Variants in C2 observed in about 807,000 individuals in gnomAD.
C2 encodes C3/C5 convertase.
Under a neutral mutation model 85.2 loss-of-function variants are expected in C2, and 64 were observed. The observed-to-expected ratio is 0.75, with a 90% confidence interval of 0.61 to 0.92. C2 has a LOEUF of 0.92. Among genes scored for constraint, C2 ranks in the 40% least tolerant of loss-of-function variants. The pLI is 0.00. For synonymous variants in C2, 311 were observed against 370.8 expected (o/e 0.84, Z 1.85); for missense variants, 820 against 971.6 (o/e 0.84, Z 2.07).
chr6:31,933,070 C>A (rs543586691), intron 3 of C2, among the ~76,000 whole-genome samples: 2 of 146,288 alleles, frequency 1.4e-5, no homozygotes, highest in South Asian at 4.4e-4. Context: ...GCAGCAGTAC[C>A]GTCCAGCTTC....
chr6:31,927,827 G>T lies in C2; in HGVS notation c.46+29G>T, dbSNP rs776083836. On this transcript the variant is annotated intron_variant, in intron 1 of 17. Coordinates refer to ENST00000299367, the MANE Select transcript of C2 (RefSeq NM_000063.6). This position sits in a 1 kb window ranked among gnomAD's most constrained non-coding sequence, Gnocchi z 4.7. ...GGAGGCAGGGAAGGGGGAACGTCAG[G>T]GTCCTGTGTGTGAGGTTGGTGCTCC... 2.5e-6 allele frequency: 4 copies of T among 1,610,304 alleles called. No homozygotes were observed. In the South Asian group the frequency reaches 4.4e-5, roughly 18 times the overall value.
Position 31,943,937 on chromosome 6 carries a change from C to T in C2, c.1754C>T (p.Thr585Met), listed in dbSNP as rs754021968. ...CCCAGGCCCATCTGCCTTCCCTGCA[C>T]GATGGAGGCCAATCTGGCTCTGCGG... is the stretch of plus-strand genomic sequence containing the variant. ...THARPICLPC[T>M]MEANLALRRP... Residue 585 changes from threonine to methionine, a missense_variant, in exon 14 of 18, where the codon ACG (threonine) becomes ATG (methionine). Physicochemically the swap from Thr to Met is moderately conservative, Grantham distance 81. Transcript: ENST00000299367. The surrounding 1 kb of genome is among the most constrained non-coding windows in gnomAD (Gnocchi z 6.4). 14 of 1,612,754 alleles carry T rather than the reference C, an allele frequency of 8.7e-6. No homozygotes were observed. Among genetic ancestry groups the T allele is most frequent in the African/African-American group, 1.3e-5 (1 of 74,884 alleles).
At position 31,904,295 on chromosome 6, in the gene C2, AATTTT is replaced by A. The variant is rs1458332933; in HGVS notation, c.73+3168_73+3172del. The stretch of plus-strand genomic sequence containing the variant: ...AAACGGACTATGAAATTTTCAAAAG[AATTTT>A]ATTTTATTTTAATTAATTAATTAAT... On this transcript the variant is annotated intron_variant, in intron 1 of 3. Coordinates refer to the C2 transcript ENST00000452202. The surrounding 1 kb of genome is among the most constrained non-coding windows in gnomAD (Gnocchi z 4.4). Among the ~76,000 whole-genome samples the A allele has an allele frequency of 5.9e-5, 9 of 151,948 alleles. No individual in the cohort carries two copies. The South Asian group carries it at 6.2e-4, about 11-fold the overall frequency.
chr6:31,923,132 T>C (rs1378896864), upstream of C2, among the ~76,000 whole-genome samples: 1 of 152,160 alleles, frequency 6.6e-6, no homozygotes, highest in Non-Finnish European at 1.5e-5. Context: ...GTCGCCCTCA[T>C]CTGGTGGGGT....
chr6:31,900,706 ATCCTCATCCTCT>A, upstream of C2: 1 of 1,605,122 alleles, frequency 6.2e-7, no homozygotes, highest in Admixed American at 1.7e-5. This position sits in a 1 kb window ranked among gnomAD's most constrained non-coding sequence, Gnocchi z 9.7. Flanking sequence ...CCTCATCCTC[ATCCTCATCCTCT>A]TCCTCGGCTT....
At position 31,935,815 on chromosome 6, in the gene C2, G is replaced by A. The variant is rs1445503508; in HGVS notation, c.850-108G>A. 45 of 1,229,998 alleles carry A rather than the reference G, an allele frequency of 3.7e-5. No individual in the cohort carries two copies. The Admixed American group carries it at 4.6e-4, about 12-fold the overall frequency. 76.2% of individuals were successfully genotyped at this position (1,229,998 alleles called of 1,614,324 possible). On this transcript the variant is annotated intron_variant, in intron 6 of 17. Coordinates refer to ENST00000299367, the MANE Select transcript of C2 (RefSeq NM_000063.6). This position sits in a 1 kb window ranked among gnomAD's most constrained non-coding sequence, Gnocchi z 4.3. ...GTCTCCCCTGGTCCTTGCCTCTGTC[G>A]GTCTCACTCCAGTTTCTCTGCCTCC...
At chr6:31,903,623 CCTT>C (rs1378900079) in intron 1 of C2, among the ~76,000 whole-genome samples, 4 of 152,060 alleles carry the variant, frequency 2.6e-5, no homozygotes, top group African/African-American at 7.3e-5. Flanking sequence ...GAGCAAGACT[CCTT>C]CTCAAAACAA....
At chr6:31,918,938 G>C (rs1193262667), upstream of C2, among the ~76,000 whole-genome samples, 1 of 147,530 alleles carries the variant, frequency 6.8e-6, no homozygotes, top group African/African-American at 2.5e-5. Flanking sequence ...GTGGTATATA[G>C]ACATGAACCC....
rs1771308430 is a variant in C2, at chr6:31,945,324, C to T, written c.2226C>T (p.His742=). 6.2e-7 allele frequency: 1 copy of T among 1,613,032 alleles called. No homozygotes were observed. Among genetic ancestry groups the T allele is most frequent in the Non-Finnish European group, 8.5e-7 (1 of 1,180,024 alleles). ...LFRMQPWLRQ[H]LGDVLNFLPL ...GCATGCAGCCCTGGCTGAGGCAGCACCTGGGGGATGTCCTGAATTTTTTAC... is the reference window on the plus strand; with the variant it reads ...GCATGCAGCCCTGGCTGAGGCAGCATCTGGGGGATGTCCTGAATTTTTTAC... Residue 742 remains histidine, a synonymous_variant, in exon 18 of 18, where the codon CAC becomes CAT. Coordinates refer to ENST00000299367, the MANE Select transcript of C2 (RefSeq NM_000063.6). This position sits in a 1 kb window ranked among gnomAD's most constrained non-coding sequence, Gnocchi z 5.3.
upstream of C2, chr6:31,897,786 A>C: frequency 1.0e-6 from 1 of 985,094 alleles, no homozygotes; most frequent in Non-Finnish European, 1.3e-6. Context: ...CTTTTTGGCC[A>C]TTTTCCCCTG....
intron 6 of C2, chr6:31,934,578 C>T: frequency 1.4e-6 from 2 of 1,438,662 alleles, no homozygotes; most frequent in Non-Finnish European, 9.1e-7. Flanking sequence ...CAGTGGTCTC[C>T]ACAGAAAGGT....
upstream of C2, among the ~76,000 whole-genome samples, chr6:31,924,022 G>T (rs1053766710): frequency 6.7e-6 from 1 of 148,296 alleles, no homozygotes; most frequent in Non-Finnish European, 1.5e-5. Flanking sequence ...GGATTGTCTC[G>T]ATCTCCTGAC....
upstream of C2, among the ~76,000 whole-genome samples, chr6:31,923,261 T>C (rs1769080112): frequency 6.6e-6 from 1 of 152,208 alleles, no homozygotes; most frequent in Non-Finnish European, 1.5e-5. Context: ...GACAGTGGAC[T>C]ATAACTGACT....
At chr6:31,929,118 G>A (rs1769516347) in intron 3 of C2, among the ~76,000 whole-genome samples, 1 of 152,228 alleles carries the variant, frequency 6.6e-6, no homozygotes, top group African/African-American at 2.4e-5. Flanking sequence ...GGCAGCTGGT[G>A]CTAAGCTTCA....
At position 31,944,247 on chromosome 6, in the gene C2, A is replaced by G; in HGVS notation, c.1902+21A>G. The G allele has an allele frequency of 6.6e-7, 1 of 1,513,772 alleles. No homozygotes were observed. The highest frequency in any genetic ancestry group is 9.2e-7 in the Non-Finnish European group (1 of 1,089,494). The allele number at this position is 1,513,772 out of a possible 1,614,324, so 93.8% of individuals were successfully genotyped here. A position where few individuals can be genotyped will look rare whatever the true frequency, so the allele number is the denominator to read the frequency against. ...TGGAGGTGAGGGTCTCAGGTTGGGG[A>G]TGCTGGGATCCCCCTGTGACAGCTC... is the stretch of plus-strand genomic sequence containing the variant. On this transcript the variant is annotated intron_variant, in intron 15 of 17. Transcript: ENST00000299367. The surrounding 1 kb of genome is among the most constrained non-coding windows in gnomAD (Gnocchi z 5.1).
At chr6:31,927,480 C>T (rs1185840848), upstream of C2, 16 of 1,417,350 alleles carry the variant, frequency 1.1e-5, no homozygotes, top group African/African-American at 2.9e-5. This position sits in a 1 kb window ranked among gnomAD's most constrained non-coding sequence, Gnocchi z 4.7. Context: ...GTGGGTGGAG[C>T]GTGGGGGCAG....
At chr6:31,929,159 C>T (rs918444761) in intron 3 of C2, among the ~76,000 whole-genome samples, 1 of 152,222 alleles carries the variant, frequency 6.6e-6, no homozygotes, top group Non-Finnish European at 1.5e-5. Context: ...CACACTCTGC[C>T]TGGCTTTTCT....
chr6:31,926,508 A>G (rs2151737182), upstream of C2, among the ~76,000 whole-genome samples: 1 of 151,632 alleles, frequency 6.6e-6, no homozygotes, highest in East Asian at 1.9e-4. Flanking sequence ...AATTTTTTGT[A>G]ATTTTAGTAG....
Position 31,943,228 on chromosome 6 carries a change from T to C in C2, c.1364T>C (p.Val455Ala), listed in dbSNP as rs146926555. ...CATCTGATCCTCACACCCACAGATG[T>C]CTCCAAGCTCACAGACACCATCTGC... ...LHQVFEHMLD[V>A]SKLTDTICGV... Residue 455 changes from valine to alanine, a missense_variant, in exon 11 of 18, where the codon GTC (valine) becomes GCC (alanine). Transcript: ENST00000299367. The surrounding 1 kb of genome is among the most constrained non-coding windows in gnomAD (Gnocchi z 6.4). 1.2e-5 allele frequency: 19 copies of C among 1,612,688 alleles called. No homozygotes were observed. The African/African-American group carries it at 2.0e-4, about 17-fold the overall frequency.
Sources: allele counts gnomAD v4.1 joint callset (sites outside exome capture counted in the v4.1 genomes callset), GRCh38; gene constraint gnomAD v4.1.1; non-coding constraint Gnocchi (gnomAD v3.1); transcripts MANE v1.5; gene names NCBI Gene and HGNC (gene_info 2026-07-23, HGNC 2026-07-21).